The following ADRA1B variants were observed in gnomAD, a reference collection of about 807,000 sequenced individuals.
ADRA1B encodes the protein alpha-1B adrenergic receptor.
Under a neutral mutation model 17.9 loss-of-function variants are expected in ADRA1B, and 17 were observed. The ratio of observed to expected loss-of-function variants is 0.95; its 90% CI spans 0.65 to 1.42. ADRA1B has a LOEUF of 1.42. Among genes scored for constraint, ADRA1B ranks in the 40% most tolerant of loss-of-function variants. ADRA1B has a pLI of 0.00. For synonymous variants in ADRA1B, 366 were observed against 327.6 expected (o/e 1.12, Z -1.27); for missense variants, 681 against 722.1 (o/e 0.94, Z 0.65).
At position 159,884,568 on chromosome 5, in the gene ADRA1B, T is replaced by C. The variant is rs533005266; in HGVS notation, c.-256+19362T>C. On this transcript the variant is annotated intron_variant, in intron 1 of 2. Transcript: ENST00000641205. ...TCCCAGCCTCCAAAACCATAAAAAATAAATCTTTGTTCTTTATAAATTACC... is the reference window on the plus strand; with the variant it reads ...TCCCAGCCTCCAAAACCATAAAAAACAAATCTTTGTTCTTTATAAATTACC... Among the ~76,000 whole-genome samples, 18 of 152,248 alleles carry C rather than the reference T, an allele frequency of 1.2e-4. 1 individual carries two copies. The highest frequency in any genetic ancestry group is 4.1e-4 in the African/African-American group (17 of 41,540).
chr5:159,953,524 CTG>C (rs1241112995), intron 1 of ADRA1B, among the ~76,000 whole-genome samples: 3 of 152,302 alleles, frequency 2.0e-5, no homozygotes, highest in East Asian at 3.9e-4. Flanking sequence ...AGTCTCCAGT[CTG>C]TGGCAATCAG....
chr5:159,941,384 C>T (rs1371826141), intron 1 of ADRA1B, among the ~76,000 whole-genome samples: 2 of 152,136 alleles, frequency 1.3e-5, no homozygotes, highest in Admixed American at 6.5e-5. Context: ...ATTTGGCCCA[C>T]GAACATGTTC....
At chr5:159,912,476 A>T (rs72808192), upstream of ADRA1B, among the ~76,000 whole-genome samples, 10,189 of 152,176 alleles carry the variant, frequency 0.067, 383 homozygotes, top group East Asian at 0.14. Flanking sequence ...GGGAACCTTT[A>T]CTCCCAGACA....
At chr5:159,900,534 T>C (rs1436668853) in intron 1 of ADRA1B, among the ~76,000 whole-genome samples, 2 of 152,244 alleles carry the variant, frequency 1.3e-5, no homozygotes, top group Non-Finnish European at 2.9e-5. Context: ...TGCTGGCATG[T>C]AGCAAGCCAT....
intron 1 of ADRA1B, among the ~76,000 whole-genome samples, chr5:159,937,103 T>C (rs1754975432): frequency 6.6e-6 from 1 of 152,166 alleles, no homozygotes; most frequent in South Asian, 2.1e-4. Flanking sequence ...TACTGATGCA[T>C]ACTTAAGTTT....
At chr5:159,970,859 C>CCTG (rs1755852584) in intron 1 of ADRA1B, among the ~76,000 whole-genome samples, 1 of 152,214 alleles carries the variant, frequency 6.6e-6, no homozygotes, top group African/African-American at 2.4e-5. Flanking sequence ...GGCTGGAGTG[C>CCTG]AGTGCCACGA....
the ADRA1B span, among the ~76,000 whole-genome samples, chr5:159,981,620 C>T: frequency 6.6e-6 from 1 of 152,094 alleles, no homozygotes; most frequent in Non-Finnish European, 1.5e-5. Flanking sequence ...CTCAGCCTCC[C>T]GAATAGCTGG....
intron 1 of ADRA1B, among the ~76,000 whole-genome samples, chr5:159,897,926 T>C (rs1403111404): frequency 6.6e-6 from 1 of 152,208 alleles, no homozygotes; most frequent in African/African-American, 2.4e-5. Context: ...ACAGAAATGT[T>C]CCTGCCAGAG....
At chr5:159,897,957 G>A (rs1298953055) in intron 1 of ADRA1B, among the ~76,000 whole-genome samples, 3 of 152,202 alleles carry the variant, frequency 2.0e-5, no homozygotes, top group Admixed American at 1.3e-4. Flanking sequence ...CAGAGGGCTC[G>A]GGGCTGGCAC....
intron 1 of ADRA1B, among the ~76,000 whole-genome samples, chr5:159,928,696 T>C (rs761409554): frequency 2.0e-5 from 3 of 152,168 alleles, no homozygotes; most frequent in Non-Finnish European, 4.4e-5. Context: ...CTAATGTGCA[T>C]TGCTTAGAGG....
upstream of ADRA1B, among the ~76,000 whole-genome samples, chr5:159,913,969 A>G (rs1754253559): frequency 6.6e-6 from 1 of 152,104 alleles, no homozygotes; most frequent in African/African-American, 2.4e-5. Flanking sequence ...CTCTCCCCTT[A>G]TAAGTAAACC....
chr5:159,915,932 G>T (rs929725087), upstream of ADRA1B, among the ~76,000 whole-genome samples: 4 of 152,180 alleles, frequency 2.6e-5, no homozygotes, highest in Admixed American at 6.5e-5. Context: ...TGGAGACTCC[G>T]TAAGAATCGG....
At chr5:159,889,928 G>T (rs1008609446) in intron 1 of ADRA1B, among the ~76,000 whole-genome samples, 1 of 152,154 alleles carries the variant, frequency 6.6e-6, no homozygotes, top group Non-Finnish European at 1.5e-5. Flanking sequence ...TTGTCTAAAG[G>T]CTTTAAGGAA....
At chr5:159,945,816 C>T (rs1755255456) in intron 1 of ADRA1B, among the ~76,000 whole-genome samples, 3 of 150,672 alleles carry the variant, frequency 2.0e-5, no homozygotes, top group Admixed American at 2.0e-4. Context: ...GGCGCGATCT[C>T]GGCTCACTGC....
chr5:159,984,298 C>T, the ADRA1B span, among the ~76,000 whole-genome samples: 1 of 152,152 alleles, frequency 6.6e-6, no homozygotes, highest in Non-Finnish European at 1.5e-5. Flanking sequence ...TAACATGTTC[C>T]AAACTGACCT....
chr5:159,866,189 C>T (rs546643253), intron 1 of ADRA1B, among the ~76,000 whole-genome samples: 38 of 151,800 alleles, frequency 2.5e-4, no homozygotes, highest in Non-Finnish European at 5.0e-4. Flanking sequence ...GCCTGTAGTC[C>T]CAGCTAATCA....
In ADRA1B at chr5:159,955,059, C is replaced by T. The variant is rs1011300939; in HGVS notation, c.950-16820C>T. The T allele has an allele frequency of 2.0e-5, 16 of 802,002 alleles. No homozygotes were observed. In the African/African-American group the frequency reaches 3.0e-4, roughly 15 times the overall value. The allele number at this position is 802,002 out of a possible 1,614,324, so 49.7% of individuals were successfully genotyped here. A position where few individuals can be genotyped will look rare whatever the true frequency, so the allele number is the denominator to read the frequency against. ...CTGGAGAATGGCATGCATTCAGCAG[C>T]AAAGACTAATCATTTCATTATACAA... is the stretch of plus-strand genomic sequence containing the variant. On this transcript the variant is annotated intron_variant, in intron 1 of 1. Coordinates refer to ENST00000306675, the MANE Select transcript of ADRA1B (RefSeq NM_000679.4).
chr5:159,880,700 C>T (rs1212117777), intron 1 of ADRA1B, among the ~76,000 whole-genome samples: 2 of 152,070 alleles, frequency 1.3e-5, no homozygotes, highest in Admixed American at 1.3e-4. Context: ...TTTATTTCTA[C>T]CCATCCAAGT....
chr5:159,921,282 G>A (rs1425136156), intron 1 of ADRA1B, among the ~76,000 whole-genome samples: 1 of 152,138 alleles, frequency 6.6e-6, no homozygotes, highest in Non-Finnish European at 1.5e-5. Flanking sequence ...GAGCAGGAAT[G>A]GACTCCACCA....
Sources: allele counts gnomAD v4.1 joint callset (sites outside exome capture counted in the v4.1 genomes callset), GRCh38; gene constraint gnomAD v4.1.1; transcripts MANE v1.5; gene names NCBI Gene and HGNC (gene_info 2026-07-23, HGNC 2026-07-21).